Variants in SSBP2 observed in about 807,000 individuals in gnomAD.
SSBP2 encodes the protein single stranded DNA binding protein 2, also known as single-stranded DNA-binding protein 2.
In SSBP2, 17 loss-of-function variants were observed where a neutral mutation model predicts 61.8. The ratio of observed to expected loss-of-function variants is 0.28; its 90% CI spans 0.19 to 0.41. The LOEUF (loss-of-function observed/expected upper bound fraction) is 0.41. Among genes scored for constraint, SSBP2 ranks in the 10% least tolerant of loss-of-function variants. SSBP2 has a pLI of 1.00. For missense variants in SSBP2, 310 were observed against 458.7 expected (o/e 0.68, Z 2.96); for synonymous variants, 139 against 141.3 (o/e 0.98, Z 0.12).
At chr5:81,509,908 C>A (rs978923796) in intron 5 of SSBP2, among the ~76,000 whole-genome samples, 3 of 152,136 alleles carry the variant, frequency 2.0e-5, no homozygotes, top group Admixed American at 1.3e-4. Context: ...TAACTATGAA[C>A]TGTTTATTCC....
At position 81,708,775 on chromosome 5, in the gene SSBP2, T is replaced by G. The variant is rs910604274; in HGVS notation, c.62+42206A>C. ...TCAGCTAAAGACTTTTCCAAGTCTTTAGGAGTGAGTTGAGTATCAGTGATC... is the reference window on the plus strand; with the variant it reads ...TCAGCTAAAGACTTTTCCAAGTCTTGAGGAGTGAGTTGAGTATCAGTGATC... On this transcript the variant is annotated intron_variant, in intron 1 of 16. Coordinates refer to ENST00000320672, the MANE Select transcript of SSBP2 (RefSeq NM_012446.5). Among the ~76,000 whole-genome samples the G allele has an allele frequency of 3.3e-5, 5 of 151,952 alleles. 1 individual carries two copies. Among genetic ancestry groups the G allele is most frequent in the African/African-American group, 9.7e-5 (4 of 41,410 alleles).
At chr5:81,457,927 A>G (rs970363200) in intron 10 of SSBP2, among the ~76,000 whole-genome samples, 2 of 152,066 alleles carry the variant, frequency 1.3e-5, no homozygotes, top group Non-Finnish European at 2.9e-5. Context: ...CTCCCAAAGT[A>G]CAGGGATTAC....
chr5:81,608,694 T>A (rs766066981), intron 4 of SSBP2, among the ~76,000 whole-genome samples: 3 of 152,184 alleles, frequency 2.0e-5, no homozygotes, highest in Non-Finnish European at 4.4e-5. Flanking sequence ...TGGATTGAGA[T>A]GTTGTAAATG....
At chr5:81,596,640 G>GATAT (rs1448065494) in intron 4 of SSBP2, among the ~76,000 whole-genome samples, 7 of 44,188 alleles carry the variant, frequency 1.6e-4, no homozygotes, top group African/African-American at 8.5e-4. Context: ...CCAAAACAGA[G>GATAT]ATATAGACCA....
chr5:81,488,727 C>T (rs1766627247), intron 6 of SSBP2, among the ~76,000 whole-genome samples: 1 of 138,140 alleles, frequency 7.2e-6, no homozygotes, highest in South Asian at 2.5e-4. Context: ...CAACAGTCCC[C>T]AGTGTGTGAT....
chr5:81,688,929 C>A (rs1350680962), intron 1 of SSBP2, among the ~76,000 whole-genome samples: 9 of 151,880 alleles, frequency 5.9e-5, no homozygotes, highest in South Asian at 2.1e-4. Flanking sequence ...CACTTCCAGA[C>A]AGAATTTAAA....
chr5:81,538,026 T>A (rs1469490231), intron 4 of SSBP2, among the ~76,000 whole-genome samples: 1 of 152,082 alleles, frequency 6.6e-6, no homozygotes, highest in African/African-American at 2.4e-5. Context: ...TGCACATCTC[T>A]CACTCTAAAT....
At position 81,474,528 on chromosome 5, in the gene SSBP2, A is replaced by T; in HGVS notation, c.467T>A (p.Leu156His). Residue 156 changes from leucine to histidine, a missense_variant, in exon 7 of 17, where the codon CTC (leucine) becomes CAC (histidine). By Grantham distance (99) the Leu-to-His change is moderately conservative. This residue lies in a region of SSBP2 where 209 missense variants were observed against 286.4 expected (regional missense o/e 0.73). Transcript: ENST00000320672. Reference sequence around the variant, plus strand: ...TCGAGTTGGATCCATTCCACTGGGGAGTAATGGCTGACTTCCTGGGACACC... The same window carrying T: ...TCGAGTTGGATCCATTCCACTGGGGTGTAATGGCTGACTTCCTGGGACACC... The T allele has an allele frequency of 6.2e-7, 1 of 1,612,234 alleles. No individual in the cohort carries two copies.
At position 81,700,144 on chromosome 5, in the gene SSBP2, C is replaced by T. The variant is rs112622140; in HGVS notation, c.63-49805G>A. On this transcript the variant is annotated intron_variant, in intron 1 of 16. Transcript: ENST00000320672. ...TACAGGTGTGAGCCACTGTGCCTGG[C>T]CATGAAATGTATTTCTTAATTAAGA... is the stretch of plus-strand genomic sequence containing the variant. 2.6e-5 allele frequency among the ~76,000 whole-genome samples: 4 copies of T among 152,234 alleles called. 1 individual carries two copies. Among genetic ancestry groups the T allele is most frequent in the African/African-American group, 7.2e-5 (3 of 41,544 alleles).
At chr5:81,438,420 T>A (rs1580683640) in intron 14 of SSBP2, among the ~76,000 whole-genome samples, 2 of 152,082 alleles carry the variant, frequency 1.3e-5, no homozygotes, top group Middle Eastern at 6.9e-3. Context: ...TGCCACAATA[T>A]TAACTTTATT....
chr5:81,448,741 T>A (rs1561412305), intron 11 of SSBP2, 49 bp downstream of exon 11: 1 of 1,569,714 alleles, frequency 6.4e-7, no homozygotes, highest in South Asian at 1.1e-5. Flanking sequence ...ATTGCCCAAA[T>A]AAAATGTAAC....
At chr5:81,556,964 T>G (rs1020411474) in intron 4 of SSBP2, among the ~76,000 whole-genome samples, 8 of 152,156 alleles carry the variant, frequency 5.3e-5, no homozygotes, top group Non-Finnish European at 8.8e-5. Flanking sequence ...TGTACATAAC[T>G]TTTGTGATGA....
At chr5:81,428,198 A>G (rs1446350084) in intron 16 of SSBP2, among the ~76,000 whole-genome samples, 3 of 152,212 alleles carry the variant, frequency 2.0e-5, no homozygotes, top group Admixed American at 1.3e-4. Flanking sequence ...AGTGAGGTCT[A>G]CTATATAAAG....
chr5:81,464,917 AG>A (rs1764787265), intron 9 of SSBP2, among the ~76,000 whole-genome samples: 1 of 152,044 alleles, frequency 6.6e-6, no homozygotes, highest in Non-Finnish European at 1.5e-5. Context: ...ATTTCAATAA[AG>A]CTTACCCTAT....
intron 1 of SSBP2, among the ~76,000 whole-genome samples, chr5:81,683,710 A>C (rs1752570232): frequency 6.6e-6 from 1 of 152,166 alleles, no homozygotes; most frequent in African/African-American, 2.4e-5. Context: ...ATGTTTGCAA[A>C]AAACACATCT....
At chr5:81,676,419 T>C (rs1581318345) in intron 1 of SSBP2, among the ~76,000 whole-genome samples, 1 of 152,146 alleles carries the variant, frequency 6.6e-6, no homozygotes, top group South Asian at 2.1e-4. Flanking sequence ...GGGCCAGATA[T>C]GTAAATATGC....
chr5:81,723,793 T>A (rs968823927), intron 1 of SSBP2, among the ~76,000 whole-genome samples: 5 of 151,976 alleles, frequency 3.3e-5, no homozygotes, highest in Non-Finnish European at 7.4e-5. Context: ...GTATATATCA[T>A]TACCAAGACA....
chr5:81,736,016 C>T (rs1042095020), intron 1 of SSBP2, among the ~76,000 whole-genome samples: 1 of 152,182 alleles, frequency 6.6e-6, no homozygotes, highest in Non-Finnish European at 1.5e-5. Context: ...AAGTCGCTGC[C>T]CAATCTTAAG....
chr5:81,511,547 A>G (rs1304649604), intron 5 of SSBP2, among the ~76,000 whole-genome samples: 1 of 152,180 alleles, frequency 6.6e-6, no homozygotes, highest in African/African-American at 2.4e-5. Flanking sequence ...ACACCTCTGC[A>G]CAGATCATTT....
Sources: gnomAD v4.1 joint callset for allele counts (sites outside exome capture counted in the v4.1 genomes callset) on GRCh38, gnomAD v4.1.1 for gene constraint, gnomAD v4.1.1 regional missense constraint, MANE v1.5 for transcripts, NCBI Gene and HGNC (gene_info 2026-07-23, HGNC 2026-07-21) for gene names.